YAP1: variants seen among roughly 807,000 people sequenced by gnomAD.
YAP1 encodes transcriptional coactivator YAP1.
YAP1 carries 5 observed loss-of-function variants against 56.9 expected under a neutral mutation model. The observed-to-expected ratio is 0.09, with a 90% CI of 0.05 to 0.18. YAP1 has a LOEUF of 0.18. YAP1 is among the 10% of genes least tolerant of loss of function. The probability of loss-of-function intolerance (pLI) is 1.00; values close to 1 mark genes in which losing one functional copy is unlikely to be tolerated. For missense variants in YAP1, 539 were observed against 651.8 expected (o/e 0.83, Z 1.88); for synonymous variants, 265 against 248.1 (o/e 1.07, Z -0.64).
At chr11:102,165,577 G>C (rs918201336) in intron 3 of YAP1, among the ~76,000 whole-genome samples, 4 of 152,070 alleles carry the variant, frequency 2.6e-5, no homozygotes, top group Non-Finnish European at 5.9e-5. Context: ...GAGAGAGTTG[G>C]AAGAAGGAAC....
At chr11:102,162,618 T>C (rs766701029) in intron 3 of YAP1, 47 bp downstream of exon 3, 10 of 1,560,026 alleles carry the variant, frequency 6.4e-6, no homozygotes, top group East Asian at 2.2e-5. Context: ...TGCTTACGCA[T>C]TGGTAAAAGT....
At chr11:102,173,527 A>C (rs748035550) in intron 3 of YAP1, among the ~76,000 whole-genome samples, 2 of 152,206 alleles carry the variant, frequency 1.3e-5, no homozygotes, top group East Asian at 3.8e-4. Context: ...GAACTATTCT[A>C]AGAAAGAGTA....
intron 2 of YAP1, among the ~76,000 whole-genome samples, chr11:102,127,271 C>T (rs771579038): frequency 6.6e-6 from 1 of 152,218 alleles, no homozygotes; most frequent in Non-Finnish European, 1.5e-5. Flanking sequence ...ACGTCAGCCC[C>T]TCCCATCACA....
At chr11:102,125,388 T>G (rs1464809513) in intron 2 of YAP1, among the ~76,000 whole-genome samples, 1 of 150,206 alleles carries the variant, frequency 6.7e-6, no homozygotes, top group Non-Finnish European at 1.5e-5. Context: ...CTTTTTTTTT[T>G]TTTTTTGAGA....
In YAP1 at chr11:102,210,779, G is replaced by A. The variant is rs369522635; in HGVS notation, c.1032+1215G>A. On this transcript the variant is annotated intron_variant, in intron 6 of 8. Coordinates refer to ENST00000282441, the MANE Select transcript of YAP1 (RefSeq NM_001130145.3). ...TTTTTGTTTTTGTTTTTGAGATGGA[G>A]TTTCGCTCTGTTGCCGAGGCTGGAG... is the stretch of plus-strand genomic sequence containing the variant. Among the ~76,000 whole-genome samples, 6 of 152,260 alleles carry A rather than the reference G, an allele frequency of 3.9e-5. No individual in the cohort carries two copies. In the South Asian group the frequency reaches 6.2e-4, roughly 16 times the overall value.
rs77212927 is a variant in YAP1, at chr11:102,155,329, A to G, written c.573-7127A>G. Reference sequence around the variant, plus strand: ...GACTCTGTGCTTAGTATCTATTTGTATGGAAACCATCTCATTATTTGACAT... The same window carrying G: ...GACTCTGTGCTTAGTATCTATTTGTGTGGAAACCATCTCATTATTTGACAT... On this transcript the variant is annotated intron_variant, in intron 2 of 8. Transcript: ENST00000282441. Among the ~76,000 whole-genome samples the G allele has an allele frequency of 6.3e-3, 956 of 152,320 alleles. 14 individuals are homozygous for G. Among genetic ancestry groups the G allele is most frequent in the African/African-American group, 0.022 (928 of 41,574 alleles).
intron 4 of YAP1, among the ~76,000 whole-genome samples, chr11:102,203,093 G>T (rs1001467390): frequency 2.0e-5 from 3 of 152,184 alleles, no homozygotes; most frequent in Non-Finnish European, 4.4e-5. Context: ...TCCTCAGAGC[G>T]CTGGCATGAA....
At chr11:102,158,000 A>G (rs1359701568) in intron 2 of YAP1, among the ~76,000 whole-genome samples, 1 of 152,194 alleles carries the variant, frequency 6.6e-6, no homozygotes, top group Non-Finnish European at 1.5e-5. Flanking sequence ...TGTAGATTAT[A>G]TTAAATTCCT....
At chr11:102,224,126 A>T (rs1950081620) in intron 7 of YAP1, among the ~76,000 whole-genome samples, 1 of 152,248 alleles carries the variant, frequency 6.6e-6, no homozygotes, top group Admixed American at 6.5e-5. Flanking sequence ...GATCACTGGA[A>T]GGAATTTTCC....
intron 6 of YAP1, among the ~76,000 whole-genome samples, chr11:102,211,889 G>C (rs1418873471): frequency 6.6e-6 from 1 of 152,096 alleles, no homozygotes; most frequent in African/African-American, 2.4e-5. Flanking sequence ...GTTTTTAGTA[G>C]AGACGGGGTT....
chr11:102,161,245 G>A (rs1731953840), intron 2 of YAP1, among the ~76,000 whole-genome samples: 1 of 150,466 alleles, frequency 6.6e-6, no homozygotes, highest in Non-Finnish European at 1.5e-5. Context: ...GGTATTTTTA[G>A]TAGAGATGGG....
At chr11:102,154,796 A>C (rs922850626) in intron 2 of YAP1, among the ~76,000 whole-genome samples, 1 of 152,192 alleles carries the variant, frequency 6.6e-6, no homozygotes, top group African/African-American at 2.4e-5. Flanking sequence ...TTTAACACCC[A>C]ATGTGTTACT....
chr11:102,200,671 C>T (rs1591398752), intron 4 of YAP1, among the ~76,000 whole-genome samples: 1 of 152,066 alleles, frequency 6.6e-6, no homozygotes, highest in Non-Finnish European at 1.5e-5. Flanking sequence ...TCTCAAACTT[C>T]TGACCTCTAG....
intron 4 of YAP1, among the ~76,000 whole-genome samples, chr11:102,204,682 C>A (rs1354242248): frequency 2.0e-5 from 3 of 152,050 alleles, no homozygotes; most frequent in South Asian, 4.1e-4. Flanking sequence ...GACTGGGAGA[C>A]CATTAAGTTA....
At chr11:102,215,027 C>A (rs1949591999) in intron 6 of YAP1, among the ~76,000 whole-genome samples, 1 of 152,162 alleles carries the variant, frequency 6.6e-6, no homozygotes. Flanking sequence ...AAAGTTAAAA[C>A]TGCTTTGGTA....
chr11:102,199,022 C>G (rs1253518633), intron 4 of YAP1, among the ~76,000 whole-genome samples: 1 of 151,964 alleles, frequency 6.6e-6, no homozygotes, highest in Non-Finnish European at 1.5e-5. Context: ...ATGTGTATGT[C>G]TATGTGTTTG....
chr11:102,163,432 C>T (rs1329303594), intron 3 of YAP1, among the ~76,000 whole-genome samples: 1 of 152,112 alleles, frequency 6.6e-6, no homozygotes, highest in Non-Finnish European at 1.5e-5. Flanking sequence ...TACCTTTGTA[C>T]ATATTAGGAA....
At chr11:102,129,575 G>A (rs571554220) in intron 2 of YAP1, among the ~76,000 whole-genome samples, 10 of 146,986 alleles carry the variant, frequency 6.8e-5, no homozygotes, top group East Asian at 2.0e-4. Flanking sequence ...CCAAGATTGC[G>A]CCATTGCATT....
chr11:102,217,820 C>T (rs535366190), intron 6 of YAP1, among the ~76,000 whole-genome samples: 1 of 152,164 alleles, frequency 6.6e-6, no homozygotes, highest in African/African-American at 2.4e-5. Context: ...CTCCCAAGTC[C>T]TCCCGAGTAG....
Sources: allele counts gnomAD v4.1 joint callset (sites outside exome capture counted in the v4.1 genomes callset), GRCh38; gene constraint gnomAD v4.1.1; transcripts MANE v1.5; gene names NCBI Gene and HGNC (gene_info 2026-07-23, HGNC 2026-07-21).